CTNNA3: variants seen among roughly 807,000 people sequenced by gnomAD.
CTNNA3 encodes catenin alpha 3, also known as catenin alpha-3.
CTNNA3 carries 76 observed loss-of-function variants against 95.7 expected under a neutral mutation model. The observed-to-expected ratio is 0.79, with a 90% CI of 0.66 to 0.96. The LOEUF (loss-of-function observed/expected upper bound fraction) is 0.96. Among genes scored for constraint, CTNNA3 ranks in the 40% least tolerant of loss-of-function variants. The pLI is 0.00. For missense variants in CTNNA3, 1,191 were observed against 1,089.8 expected (o/e 1.09, Z -1.31); for synonymous variants, 431 against 374.4 (o/e 1.15, Z -1.74).
chr10:66,950,012 T>A lies in CTNNA3; in HGVS notation c.1048-174488A>T, dbSNP rs561558451. On this transcript the variant is annotated intron_variant, in intron 7 of 17. Transcript: ENST00000433211. ...TTAACACAATCTGGGCTCAACCTAG[T>A]CTTTCTGTTTCTCTATGCAATTACT... 2.6e-5 allele frequency among the ~76,000 whole-genome samples: 4 copies of A among 152,294 alleles called. No individual in the cohort carries two copies. In the South Asian group the frequency reaches 8.3e-4, roughly 32 times the overall value.
chr10:66,237,830 G>A (rs893850320), intron 13 of CTNNA3, among the ~76,000 whole-genome samples: 1 of 152,048 alleles, frequency 6.6e-6, no homozygotes, highest in East Asian at 1.9e-4. Context: ...CCATATCAAT[G>A]CTTTGATACT....
chr10:66,566,310 C>A (rs1291199564), intron 10 of CTNNA3, among the ~76,000 whole-genome samples: 2 of 151,932 alleles, frequency 1.3e-5, no homozygotes, highest in African/African-American at 2.4e-5. Flanking sequence ...GGGGGAGTGG[C>A]AAAGAGAGGA....
intron 7 of CTNNA3, among the ~76,000 whole-genome samples, chr10:66,983,733 A>T (rs1850575664): frequency 6.6e-6 from 1 of 152,228 alleles, no homozygotes; most frequent in Admixed American, 6.5e-5. Flanking sequence ...AAATTATCCC[A>T]TGATACAGTT....
upstream of CTNNA3, among the ~76,000 whole-genome samples, chr10:67,697,183 T>A (rs75626320): frequency 0.031 from 4,730 of 152,286 alleles, 243 homozygotes; most frequent in African/African-American, 0.11. Flanking sequence ...TAGCTACCTT[T>A]AAAATGGGCA....
chr10:66,331,040 T>C (rs1441245298), intron 12 of CTNNA3, among the ~76,000 whole-genome samples: 8 of 152,064 alleles, frequency 5.3e-5, no homozygotes, highest in African/African-American at 9.7e-5. Flanking sequence ...TGATGGTAGT[T>C]TCTTTTGCTG....
intron 9 of CTNNA3, among the ~76,000 whole-genome samples, chr10:66,690,409 T>C (rs1847477188): frequency 6.6e-6 from 1 of 152,000 alleles, no homozygotes; most frequent in African/African-American, 2.4e-5. Context: ...TGTGCCATGC[T>C]GGTGTGCTGC....
At chr10:66,630,858 C>A (rs1377668507) in intron 9 of CTNNA3, among the ~76,000 whole-genome samples, 1 of 152,154 alleles carries the variant, frequency 6.6e-6, no homozygotes, top group Non-Finnish European at 1.5e-5. Context: ...GAAACAATTT[C>A]ATCAACTAAC....
At chr10:66,124,130 T>C (rs1451977322) in intron 13 of CTNNA3, among the ~76,000 whole-genome samples, 3 of 152,058 alleles carry the variant, frequency 2.0e-5, no homozygotes, top group Non-Finnish European at 4.4e-5. Flanking sequence ...ATGCTCTGCT[T>C]CTCTTATATA....
At chr10:66,575,513 A>G (rs1403183886) in intron 10 of CTNNA3, among the ~76,000 whole-genome samples, 1 of 152,124 alleles carries the variant, frequency 6.6e-6, no homozygotes, top group Non-Finnish European at 1.5e-5. Context: ...ATGTATCTGG[A>G]TCATTTCAAT....
intron 13 of CTNNA3, among the ~76,000 whole-genome samples, chr10:66,189,390 T>G (rs1051237591): frequency 2.0e-5 from 3 of 151,850 alleles, no homozygotes; most frequent in Admixed American, 1.3e-4. Flanking sequence ...GAGTTGATTT[T>G]GTGTATAGTA....
intron 11 of CTNNA3, among the ~76,000 whole-genome samples, chr10:66,446,904 A>T (rs896321890): frequency 6.6e-6 from 1 of 151,876 alleles, no homozygotes; most frequent in African/African-American, 2.4e-5. Context: ...TGCAGATGAC[A>T]TTATTGTATA....
chr10:67,096,196 A>C (rs1418714929), intron 7 of CTNNA3, among the ~76,000 whole-genome samples: 1 of 151,826 alleles, frequency 6.6e-6, no homozygotes, highest in African/African-American at 2.4e-5. Context: ...AGAAGTGATT[A>C]GTTTTATTTT....
At chr10:66,352,163 A>C (rs949241320) in intron 12 of CTNNA3, among the ~76,000 whole-genome samples, 1 of 152,020 alleles carries the variant, frequency 6.6e-6, no homozygotes, top group Non-Finnish European at 1.5e-5. Flanking sequence ...GAAGGTATCA[A>C]ATGGAAGGAA....
intron 10 of CTNNA3, among the ~76,000 whole-genome samples, chr10:66,594,278 G>C (rs1278985647): frequency 6.6e-6 from 1 of 152,084 alleles, no homozygotes; most frequent in Non-Finnish European, 1.5e-5. Context: ...AATGTGACAA[G>C]TTTCATTGTT....
chr10:67,279,835 A>G (rs1839326336), intron 5 of CTNNA3, among the ~76,000 whole-genome samples: 1 of 150,008 alleles, frequency 6.7e-6, no homozygotes, highest in South Asian at 2.2e-4. Flanking sequence ...TCTTTCAACT[A>G]CTCCAAACTG....
Position 66,083,921 on chromosome 10 carries a change from A to T in CTNNA3, c.1978-14432T>A, listed in dbSNP as rs139331304. On this transcript the variant is annotated intron_variant, in intron 14 of 17. Transcript: ENST00000433211. ...GAGGCCGAGGCAGGTGGATTACCTA[A>T]GGTTGGGAATTCGAGACCAGCCTGA... Among the ~76,000 whole-genome samples the T allele has an allele frequency of 1.1e-3, 163 of 152,180 alleles. 1 individual carries two copies. Among genetic ancestry groups the T allele is most frequent in the Middle Eastern group, 6.8e-3 (2 of 294 alleles).
intron 5 of CTNNA3, among the ~76,000 whole-genome samples, chr10:67,440,889 A>T (rs1846486603): frequency 6.6e-6 from 1 of 152,150 alleles, no homozygotes; most frequent in African/African-American, 2.4e-5. Context: ...CAATGCCCAG[A>T]CACTGACAAA....
At chr10:66,405,437 T>C (rs2093049708) in intron 11 of CTNNA3, among the ~76,000 whole-genome samples, 1 of 152,218 alleles carries the variant, frequency 6.6e-6, no homozygotes, top group Admixed American at 6.5e-5. Context: ...TAAATGATTG[T>C]AGTCAACTAA....
chr10:66,218,408 T>A (rs1156308694), intron 13 of CTNNA3, among the ~76,000 whole-genome samples: 1 of 152,104 alleles, frequency 6.6e-6, no homozygotes, highest in East Asian at 1.9e-4. Flanking sequence ...TCTCTCTCTT[T>A]CTCTCTGTCT....
Sources: gnomAD v4.1 joint callset for allele counts (sites outside exome capture counted in the v4.1 genomes callset) on GRCh38, gnomAD v4.1.1 for gene constraint, MANE v1.5 for transcripts, NCBI Gene and HGNC (gene_info 2026-07-23, HGNC 2026-07-21) for gene names.